The following SLCO3A1 variants were observed in gnomAD, a reference collection of about 807,000 sequenced individuals.
SLCO3A1 encodes the protein solute carrier organic anion transporter family member 3A1, also known as PGE1 transporter.
SLCO3A1 carries 27 observed loss-of-function variants against 63.1 expected under a neutral mutation model. That is an observed-to-expected ratio of 0.43 (90% CI 0.32 to 0.59). The LOEUF (loss-of-function observed/expected upper bound fraction) is 0.59, where lower values mean the gene tolerates loss of function less well. Ranked by LOEUF, SLCO3A1 falls within the 20% of genes least tolerant of loss-of-function variation. SLCO3A1 has a pLI of 0.09. For synonymous variants in SLCO3A1, 473 were observed against 409.9 expected, an observed-to-expected ratio of 1.15 and a Z score of -1.86; for missense variants, 773 against 945.8, an observed-to-expected ratio of 0.82 and a Z score of 2.40.
At chr15:92,139,480 G>A (rs2048100721) in intron 7 of SLCO3A1, among the ~76,000 whole-genome samples, 2 of 152,238 alleles carry the variant, frequency 1.3e-5, no homozygotes, top group Admixed American at 6.5e-5. Context: ...TCAGAATGAT[G>A]CTGGCCTCAT....
intron 7 of SLCO3A1, among the ~76,000 whole-genome samples, chr15:92,131,670 C>G (rs1001843006): frequency 2.1e-5 from 3 of 145,938 alleles, no homozygotes; most frequent in Admixed American, 1.4e-4. Flanking sequence ...TAAAGAGCCA[C>G]TTGGTAAGTG....
chr15:91,891,587 T>C (rs1055269450), intron 1 of SLCO3A1, among the ~76,000 whole-genome samples: 1 of 152,180 alleles, frequency 6.6e-6, no homozygotes, highest in Non-Finnish European at 1.5e-5. Flanking sequence ...TCACTAGTGT[T>C]AATTCCAGGG....
rs988024215 is a variant in SLCO3A1 at position 91,967,818 on chromosome 15, T to G, written c.646+51360T>G. On this transcript the variant is annotated intron_variant, in intron 2 of 9. Coordinates refer to ENST00000318445, the MANE Select transcript of SLCO3A1 (RefSeq NM_013272.4). The surrounding 1 kb of genome is among the most constrained non-coding windows in gnomAD (Gnocchi z 4.4). ...TGGCAGGACTAAAGGTCAAGGTCAC[T>G]TCAGTGTTCTCCCAAATCCCGCTGG... Among the ~76,000 whole-genome samples, 41 of 152,170 alleles carry G rather than the reference T, an allele frequency of 2.7e-4. No homozygotes were observed. Among genetic ancestry groups the G allele is most frequent in the African/African-American group, 8.9e-4 (37 of 41,444 alleles).
At chr15:91,891,132 G>T (rs28674176) in intron 1 of SLCO3A1, among the ~76,000 whole-genome samples, 35,632 of 142,468 alleles carry the variant, frequency 0.25, 4,980 homozygotes, top group East Asian at 0.45. Context: ...GTATTTATTG[G>T]CATTTTGGAA....
intron 2 of SLCO3A1, among the ~76,000 whole-genome samples, chr15:92,090,509 G>C (rs1244918618): frequency 2.6e-5 from 4 of 152,174 alleles, no homozygotes; most frequent in African/African-American, 9.7e-5. Flanking sequence ...TCCCTGGGAG[G>C]TCGGGCTGGC....
intron 3 of SLCO3A1, among the ~76,000 whole-genome samples, chr15:92,103,128 G>A (rs2047626427): frequency 6.6e-6 from 1 of 152,170 alleles, no homozygotes; most frequent in Admixed American, 6.5e-5. Flanking sequence ...GTGCTGAAGT[G>A]TTCATCTGGT....
At chr15:92,100,008 G>A (rs776275730) in intron 3 of SLCO3A1, among the ~76,000 whole-genome samples, 2 of 151,492 alleles carry the variant, frequency 1.3e-5, no homozygotes, top group Non-Finnish European at 2.9e-5. Flanking sequence ...GGAGGTTGCA[G>A]TGAGCTGAGA....
intron 4 of SLCO3A1, 29 bp downstream of exon 4, chr15:92,104,571 A>T: frequency 6.2e-7 from 1 of 1,602,838 alleles, no homozygotes; most frequent in Non-Finnish European, 8.5e-7. Flanking sequence ...GCCTCTGCTC[A>T]GAACAGTAGG....
chr15:92,120,952 C>T (rs2047855974), intron 5 of SLCO3A1, among the ~76,000 whole-genome samples: 1 of 152,146 alleles, frequency 6.6e-6, no homozygotes, highest in Admixed American at 6.5e-5. Flanking sequence ...GAAAGGTTAG[C>T]AGGTTTTAAT....
At chr15:92,155,413 G>C (rs960440) in intron 9 of SLCO3A1, 123,467 of 152,350 alleles carry the variant, frequency 0.81, 50,492 homozygotes, top group African/African-American at 0.91. Context: ...TCTGGCGGCT[G>C]CAGTAGGAGA....
intron 2 of SLCO3A1, among the ~76,000 whole-genome samples, chr15:91,962,873 C>T (rs1282293946): frequency 2.6e-5 from 4 of 152,168 alleles, no homozygotes; most frequent in African/African-American, 4.8e-5. Context: ...TGGAAAACAT[C>T]GCCAGACCAA....
At chr15:91,896,765 A>G (rs769713025) in intron 1 of SLCO3A1, among the ~76,000 whole-genome samples, 4 of 152,246 alleles carry the variant, frequency 2.6e-5, no homozygotes, top group African/African-American at 4.8e-5. Context: ...GCAGTGTGAG[A>G]ACAGACTAAT....
intron 4 of SLCO3A1, among the ~76,000 whole-genome samples, chr15:92,107,035 G>A (rs1169360171): frequency 6.6e-6 from 1 of 152,196 alleles, no homozygotes; most frequent in East Asian, 1.9e-4. Context: ...GGGTGCAATA[G>A]GCAAGCTCAG....
chr15:92,011,185 A>C (rs1428333691), intron 2 of SLCO3A1, among the ~76,000 whole-genome samples: 1 of 152,078 alleles, frequency 6.6e-6, no homozygotes, highest in Non-Finnish European at 1.5e-5. Context: ...TGACCATTGC[A>C]TTTCCTCTCC....
intron 2 of SLCO3A1, among the ~76,000 whole-genome samples, chr15:91,931,055 T>G (rs6496873): frequency 0.68 from 103,633 of 151,656 alleles, 35,629 homozygotes; most frequent in East Asian, 0.91. Flanking sequence ...GATGTGGAGC[T>G]GGAAAATATT....
intron 2 of SLCO3A1, among the ~76,000 whole-genome samples, chr15:92,011,078 A>C (rs1322101993): frequency 1.3e-5 from 2 of 152,184 alleles, no homozygotes; most frequent in Non-Finnish European, 2.9e-5. Context: ...AAGGCTCTAC[A>C]TGACCAGGGC....
rs144334008 is a variant in SLCO3A1, at chr15:92,054,589, T to C, written c.647-40292T>C. Among the ~76,000 whole-genome samples the C allele has an allele frequency of 9.9e-3, 1,505 of 152,220 alleles. 27 individuals carry two copies. Among genetic ancestry groups the C allele is most frequent in the African/African-American group, 0.034 (1,432 of 41,514 alleles). On this transcript the variant is annotated intron_variant, in intron 2 of 9. Coordinates refer to ENST00000318445, the MANE Select transcript of SLCO3A1 (RefSeq NM_013272.4). ...TAAGCCCCATATGCATTAGCTATCC[T>C]GATGCTCTCCCTCCACCCACCCCCG...
Position 91,867,045 on chromosome 15 carries a change from G to A in SLCO3A1, c.180+12957G>A, listed in dbSNP as rs574935177. On this transcript the variant is annotated intron_variant, in intron 1 of 9. Coordinates refer to ENST00000318445, the MANE Select transcript of SLCO3A1 (RefSeq NM_013272.4). ...GTGATTGGAAACCTGGGATGGAGAA[G>A]GGGAGGGCTGGAAACCCAGGGCCAC... 2.0e-5 allele frequency among the ~76,000 whole-genome samples: 3 copies of A among 152,330 alleles called. No individual in the cohort carries two copies. In the South Asian group the frequency reaches 6.2e-4, roughly 32 times the overall value.
At chr15:91,922,471 G>C (rs1280561891) in intron 2 of SLCO3A1, among the ~76,000 whole-genome samples, 1 of 152,204 alleles carries the variant, frequency 6.6e-6, no homozygotes. Context: ...GATTTCATCT[G>C]CCAAGTGTTT....
Sources: allele counts gnomAD v4.1 joint callset (sites outside exome capture counted in the v4.1 genomes callset), GRCh38; gene constraint gnomAD v4.1.1; non-coding constraint Gnocchi (gnomAD v3.1); transcripts MANE v1.5; gene names NCBI Gene and HGNC (gene_info 2026-07-23, HGNC 2026-07-21).